MGAT5: variants seen among roughly 807,000 people sequenced by gnomAD.
The protein encoded by MGAT5 is alpha-1,6-mannosylglycoprotein 6-beta-N-acetylglucosaminyltransferase.
A neutral mutation model predicts 94.3 loss-of-function variants in MGAT5; 30 were observed. That is an observed-to-expected ratio of 0.32 (90% CI 0.24 to 0.43). The LOEUF (loss-of-function observed/expected upper bound fraction) is 0.43. MGAT5 is among the 20% of genes least tolerant of loss of function. The pLI is 1.00. For missense variants in MGAT5, 691 were observed against 905.5 expected (o/e 0.76, Z 3.04); for synonymous variants, 310 against 322.9 (o/e 0.96, Z 0.43).
chr2:134,267,068 C>T (rs1683762970), intron 1 of MGAT5, among the ~76,000 whole-genome samples: 1 of 152,160 alleles, frequency 6.6e-6, no homozygotes, highest in Non-Finnish European at 1.5e-5. Context: ...AGGACAGGGA[C>T]ATGAGTGAGT....
At chr2:134,149,747 A>T (rs574659530) in intron 1 of MGAT5, among the ~76,000 whole-genome samples, 67 of 152,150 alleles carry the variant, frequency 4.4e-4, no homozygotes, top group Non-Finnish European at 8.4e-4. Context: ...GCCTAATGAA[A>T]GGAATAATTA....
chr2:134,143,064 C>A (rs1686736917), intron 1 of MGAT5, among the ~76,000 whole-genome samples: 1 of 151,976 alleles, frequency 6.6e-6, no homozygotes, highest in Non-Finnish European at 1.5e-5. Flanking sequence ...TGGGAGAGCA[C>A]CAAAGGGAGG....
At chr2:134,424,071 C>T (rs1481129775) in intron 13 of MGAT5, among the ~76,000 whole-genome samples, 2 of 152,162 alleles carry the variant, frequency 1.3e-5, no homozygotes, top group African/African-American at 2.4e-5. Flanking sequence ...CTGGGGAAGC[C>T]TTTCTGGAGA....
intron 13 of MGAT5, among the ~76,000 whole-genome samples, chr2:134,424,688 A>T (rs370627684): frequency 1.3e-5 from 2 of 152,130 alleles, no homozygotes; most frequent in South Asian, 4.1e-4. Context: ...AAACAGCAGA[A>T]ATTTATTCTC....
chr2:134,234,237 TAC>T (rs1366579501), intron 1 of MGAT5, among the ~76,000 whole-genome samples: 1 of 152,160 alleles, frequency 6.6e-6, no homozygotes, highest in East Asian at 1.9e-4. Context: ...AGTCAAGACT[TAC>T]AGGTTCTTCC....
At chr2:134,274,910 T>C (rs1684264291) in intron 2 of MGAT5, among the ~76,000 whole-genome samples, 1 of 152,228 alleles carries the variant, frequency 6.6e-6, no homozygotes, top group East Asian at 1.9e-4. Context: ...AAGCTGTTCT[T>C]AAAAACAGCA....
intron 9 of MGAT5, among the ~76,000 whole-genome samples, chr2:134,356,928 C>T (rs748077183): frequency 6.6e-6 from 1 of 152,248 alleles, no homozygotes; most frequent in Non-Finnish European, 1.5e-5. Context: ...CCAACTTTCT[C>T]CTCCCCTTCC....
At chr2:134,139,904 C>T (rs987432715) in intron 1 of MGAT5, among the ~76,000 whole-genome samples, 1 of 152,174 alleles carries the variant, frequency 6.6e-6, no homozygotes, top group Admixed American at 6.5e-5. Context: ...TCGAGAACAG[C>T]TTTTAGTTGA....
intron 1 of MGAT5, among the ~76,000 whole-genome samples, chr2:134,150,810 G>A (rs1687133496): frequency 6.6e-6 from 1 of 152,194 alleles, no homozygotes; most frequent in Admixed American, 6.5e-5. Context: ...CAAAAATATG[G>A]AGACATAGCA....
intron 10 of MGAT5, among the ~76,000 whole-genome samples, chr2:134,376,106 C>T (rs764371008): frequency 2.2e-4 from 33 of 152,154 alleles, no homozygotes; most frequent in Admixed American, 3.9e-4. Flanking sequence ...CCAGATGGTG[C>T]CAGCACACCG....
intron 9 of MGAT5, among the ~76,000 whole-genome samples, chr2:134,354,824 T>G (rs1227077250): frequency 6.6e-6 from 1 of 152,142 alleles, no homozygotes; most frequent in African/African-American, 2.4e-5. Context: ...TGGTTGTTCC[T>G]CCTTCTAGGC....
intron 1 of MGAT5, among the ~76,000 whole-genome samples, chr2:134,263,891 A>G (rs1442294716): frequency 6.6e-6 from 1 of 151,756 alleles, no homozygotes; most frequent in African/African-American, 2.4e-5. Flanking sequence ...CTTACCAGAT[A>G]AAATTGATTT....
chr2:134,309,444 C>T (rs1344300532), intron 2 of MGAT5, among the ~76,000 whole-genome samples: 2 of 152,160 alleles, frequency 1.3e-5, no homozygotes, highest in Non-Finnish European at 2.9e-5. Flanking sequence ...GTTGAGGGTT[C>T]TACTTTCTTT....
intron 1 of MGAT5, among the ~76,000 whole-genome samples, chr2:134,241,350 G>A (rs1408781500): frequency 6.6e-6 from 1 of 152,230 alleles, no homozygotes; most frequent in Non-Finnish European, 1.5e-5. Context: ...GAAGCAATGA[G>A]TTCTCTTATA....
chr2:134,218,064 C>T (rs986740675), intron 1 of MGAT5, among the ~76,000 whole-genome samples: 1 of 152,232 alleles, frequency 6.6e-6, no homozygotes, highest in African/African-American at 2.4e-5. Flanking sequence ...CTTGGTCCTA[C>T]TCTTCCACTT....
chr2:134,288,117 A>G (rs895191083), intron 2 of MGAT5, among the ~76,000 whole-genome samples: 8 of 152,032 alleles, frequency 5.3e-5, no homozygotes, highest in Non-Finnish European at 1.0e-4. Flanking sequence ...GGCCTCCTTT[A>G]TTTTTGCTGG....
chr2:134,181,919 G>A (rs989452473), intron 1 of MGAT5, among the ~76,000 whole-genome samples: 1 of 152,174 alleles, frequency 6.6e-6, no homozygotes, highest in Admixed American at 6.5e-5. Context: ...TTAGAGATTT[G>A]TAATAAAAAA....
intron 1 of MGAT5, among the ~76,000 whole-genome samples, chr2:134,261,803 A>G (rs1358894481): frequency 6.6e-6 from 1 of 152,244 alleles, no homozygotes; most frequent in Non-Finnish European, 1.5e-5. Flanking sequence ...AGTAAGAGCC[A>G]TGAATGAATA....
intron 10 of MGAT5, among the ~76,000 whole-genome samples, chr2:134,363,573 G>A (rs976786658): frequency 6.6e-6 from 1 of 152,210 alleles, no homozygotes; most frequent in Non-Finnish European, 1.5e-5. Context: ...GACAATTTTG[G>A]TTGTGATGTC....
Sources: gnomAD v4.1 joint callset for allele counts (sites outside exome capture counted in the v4.1 genomes callset) on GRCh38, gnomAD v4.1.1 for gene constraint, MANE v1.5 for transcripts, NCBI Gene and HGNC (gene_info 2026-07-23, HGNC 2026-07-21) for gene names.